Variants in MYZAP observed in about 807,000 individuals in gnomAD.
The protein encoded by MYZAP is GRINL1A complex locus upstream.
A neutral mutation model predicts 69.4 loss-of-function variants in MYZAP; 66 were observed. That is an observed-to-expected ratio of 0.95 (90% CI 0.78 to 1.17). The LOEUF (loss-of-function observed/expected upper bound fraction) is 1.17, where lower values mean the gene tolerates loss of function less well. Ranked by LOEUF, MYZAP falls within the 50% of genes most tolerant of loss-of-function variation. The pLI is 0.00. For missense variants in MYZAP, 611 were observed against 556.2 expected (o/e 1.10, Z -0.99); for synonymous variants, 256 against 205.9 (o/e 1.24, Z -2.09).
intron 12 of MYZAP, among the ~76,000 whole-genome samples, chr15:57,675,963 T>C (rs1402730978): frequency 6.6e-6 from 1 of 152,086 alleles, no homozygotes; most frequent in Non-Finnish European, 1.5e-5. Flanking sequence ...CTGGACATAG[T>C]AGTCTAGAAA....
At chr15:57,639,310 G>C (rs968358101) in intron 9 of MYZAP, 130 bp from the exon 10 acceptor site, 5 of 957,962 alleles carry the variant, frequency 5.2e-6, no homozygotes, top group East Asian at 2.7e-5. Context: ...GCCTCTTGAA[G>C]TGTTGGGATT....
chr15:57,676,420 GTGTATATATATATATGTATATATATA>G (rs1406532603), intron 12 of MYZAP, among the ~76,000 whole-genome samples: 5 of 33,258 alleles, frequency 1.5e-4, no homozygotes, highest in South Asian at 1.7e-3. Context: ...GTATATATAT[GTGTATATATATATATGTATATATATA>G]TATATATATA....
rs180970952 is a variant in MYZAP at position 57,644,536 on chromosome 15, C to A, written c.1119+4991C>A. Reference sequence around the variant, plus strand: ...TCATACCTTCCTGCAGCCTCCAACTCCTGGGCTCAAGTGATCCTCCCCACT... The same window carrying A: ...TCATACCTTCCTGCAGCCTCCAACTACTGGGCTCAAGTGATCCTCCCCACT... On this transcript the variant is annotated intron_variant, in intron 10 of 12. Transcript: ENST00000267853. Among the ~76,000 whole-genome samples the A allele has an allele frequency of 6.1e-3, 931 of 152,252 alleles. 4 individuals are homozygous for A. The highest frequency in any genetic ancestry group is 0.017 in the Middle Eastern group (5 of 294).
chr15:57,653,203 CAATGAAATGAA>C (rs1288302799), intron 10 of MYZAP, among the ~76,000 whole-genome samples: 2 of 151,892 alleles, frequency 1.3e-5, no homozygotes, highest in African/African-American at 2.4e-5. Flanking sequence ...ATTTTGAAAA[CAATGAAATGAA>C]AATGAAATGA....
At chr15:57,594,393 G>C (rs2033921639) in intron 1 of MYZAP, among the ~76,000 whole-genome samples, 1 of 152,220 alleles carries the variant, frequency 6.6e-6, no homozygotes, top group South Asian at 2.1e-4. Flanking sequence ...TGGGATTATA[G>C]GCATGAGCCA....
chr15:57,662,256 C>A (rs1029169099), intron 11 of MYZAP, among the ~76,000 whole-genome samples: 1 of 152,188 alleles, frequency 6.6e-6, no homozygotes, highest in African/African-American at 2.4e-5. Flanking sequence ...GAGCCTTTGC[C>A]TTTTGAGACT....
chr15:57,652,718 C>T (rs911338243), intron 10 of MYZAP, among the ~76,000 whole-genome samples: 9 of 152,090 alleles, frequency 5.9e-5, no homozygotes, highest in Admixed American at 2.0e-4. Flanking sequence ...CAGAGGGAGA[C>T]GACGGCTGAA....
intron 11 of MYZAP, among the ~76,000 whole-genome samples, chr15:57,668,142 T>C (rs1405297987): frequency 6.6e-6 from 1 of 152,184 alleles, no homozygotes; most frequent in Non-Finnish European, 1.5e-5. Flanking sequence ...TGTTGCAGAG[T>C]GGTATTCCAT....
At chr15:57,667,879 C>T (rs968236907) in intron 11 of MYZAP, among the ~76,000 whole-genome samples, 2 of 152,298 alleles carry the variant, frequency 1.3e-5, no homozygotes, top group East Asian at 1.9e-4. Context: ...ATTTCTATCA[C>T]CCCACCAAAG....
chr15:57,625,887 C>T lies in MYZAP; in HGVS notation c.520C>T (p.Leu174=), dbSNP rs747809908. 4 of 1,613,948 alleles carry T rather than the reference C, an allele frequency of 2.5e-6. No individual in the cohort carries two copies. The highest frequency in any genetic ancestry group is 3.4e-6 in the Non-Finnish European group (4 of 1,179,960). The change falls in exon 5 of 13, where the codon CTG becomes TTG. Residue 174 remains leucine (L), a synonymous_variant. Coordinates refer to ENST00000267853, the MANE Select transcript of MYZAP (RefSeq NM_001018100.5). ...AGCCTTGGCATCAGATTCCATTGGC[C>T]TGCAGGTACTCATCTGCTTACTGCT... ...NSALASDSIG[L]QKTLVDVTLE...
intron 1 of MYZAP, among the ~76,000 whole-genome samples, chr15:57,603,330 GCAATGTA>G (rs1323663674): frequency 6.6e-6 from 1 of 151,698 alleles, no homozygotes; most frequent in Non-Finnish European, 1.5e-5. Context: ...TTAAATTGTA[GCAATGTA>G]CTTGTGAGAT....
intron 11 of MYZAP, among the ~76,000 whole-genome samples, chr15:57,668,531 A>G (rs1000949882): frequency 2.0e-5 from 3 of 152,156 alleles, no homozygotes; most frequent in Non-Finnish European, 4.4e-5. Context: ...TCCAAAATAA[A>G]AATAAAAACA....
chr15:57,637,535 C>T (rs2036885121), intron 8 of MYZAP, among the ~76,000 whole-genome samples, 160 bp from the exon 9 acceptor site: 1 of 152,138 alleles, frequency 6.6e-6, no homozygotes, highest in Admixed American at 6.5e-5. Flanking sequence ...CAACAACAGA[C>T]TTGGCAGTTT....
intron 9 of MYZAP, among the ~76,000 whole-genome samples, chr15:57,639,232 G>T (rs1241507447): frequency 1.3e-5 from 2 of 148,990 alleles, no homozygotes; most frequent in African/African-American, 5.0e-5. Context: ...TTTTTGTGGA[G>T]ATGAGGGTCT....
intron 12 of MYZAP, among the ~76,000 whole-genome samples, chr15:57,682,492 T>C (rs1240732568): frequency 6.6e-6 from 1 of 152,216 alleles, no homozygotes; most frequent in Non-Finnish European, 1.5e-5. Flanking sequence ...ATTCAAGTTG[T>C]CATGATCTCT....
chr15:57,667,251 A>G (rs879374652), intron 11 of MYZAP, among the ~76,000 whole-genome samples: 9 of 152,344 alleles, frequency 5.9e-5, no homozygotes, highest in Non-Finnish European at 8.8e-5. Flanking sequence ...TGGAACACAC[A>G]TTCAGTGTAT....
chr15:57,628,573 C>G (rs1418936565), intron 5 of MYZAP, among the ~76,000 whole-genome samples: 4 of 151,836 alleles, frequency 2.6e-5, no homozygotes, highest in African/African-American at 7.2e-5. Context: ...ATTTAAACAT[C>G]CTTGCTTCAG....
At chr15:57,627,499 G>T (rs1416252393) in intron 5 of MYZAP, among the ~76,000 whole-genome samples, 1 of 151,924 alleles carries the variant, frequency 6.6e-6, no homozygotes, top group Non-Finnish European at 1.5e-5. Flanking sequence ...GCTGATGCAC[G>T]GTGTTAGGCA....
intron 8 of MYZAP, among the ~76,000 whole-genome samples, chr15:57,636,331 T>A (rs1200434518): frequency 6.6e-6 from 1 of 152,228 alleles, no homozygotes; most frequent in Non-Finnish European, 1.5e-5. Flanking sequence ...GATCTACCTT[T>A]GTTATTTTAA....
Sources: allele counts gnomAD v4.1 joint callset (sites outside exome capture counted in the v4.1 genomes callset), GRCh38; gene constraint gnomAD v4.1.1; transcripts MANE v1.5; gene names NCBI Gene and HGNC (gene_info 2026-07-23, HGNC 2026-07-21).